STAB2: variants seen among roughly 807,000 people sequenced by gnomAD.
STAB2 encodes stabilin-2.
In STAB2, 288 loss-of-function variants were observed where a neutral mutation model predicts 338.1. That is an observed-to-expected ratio of 0.85 (90% CI 0.77 to 0.94). The LOEUF is 0.94. Ranked by LOEUF, STAB2 falls within the 40% of genes least tolerant of loss-of-function variation. The pLI is 0.00. For synonymous variants in STAB2, 1,202 were observed against 1,193.3 expected (o/e 1.01, Z -0.15); for missense variants, 3,141 against 3,210.1 (o/e 0.98, Z 0.52).
Position 103,729,254 on chromosome 12 carries a change from G to T in STAB2, c.5082+259G>T, listed in dbSNP as rs572366157. Among the ~76,000 whole-genome samples the T allele has an allele frequency of 8.7e-4, 132 of 152,172 alleles. 3 individuals are homozygous for T. Among genetic ancestry groups the T allele is most frequent in the Non-Finnish European group, 8.1e-4 (55 of 68,022 alleles). On this transcript the variant is annotated intron_variant, in intron 48 of 68. Transcript: ENST00000388887. The stretch of plus-strand genomic sequence containing the variant: ...ATGAAAAATAACTAATAGGTACTAG[G>T]CTTAATACCTGGGTGATGAAATAAT...
intron 25 of STAB2, among the ~76,000 whole-genome samples, chr12:103,682,784 C>A (rs774993626): frequency 6.6e-6 from 1 of 151,978 alleles, no homozygotes; most frequent in Non-Finnish European, 1.5e-5. Flanking sequence ...CCCGTCTGTA[C>A]TAAAAATACA....
intron 51 of STAB2, among the ~76,000 whole-genome samples, chr12:103,735,203 T>TA (rs1291415747): frequency 6.6e-6 from 1 of 152,118 alleles, no homozygotes; most frequent in Admixed American, 6.5e-5. Flanking sequence ...ATTGGCTTCA[T>TA]ACGCTAAGAC....
rs554176402 is a variant in STAB2 at position 103,747,949 on chromosome 12, C to CAGG, written c.6245-1013_6245-1011dup. ...GGCAGAGGTTGCAGTGAGCTGAGAT[C>CAGG]AGGCCACTCTACTCTAGCCTGGGCA... is the stretch of plus-strand genomic sequence containing the variant. On this transcript the variant is annotated intron_variant, in intron 58 of 68. Transcript: ENST00000388887. Among the ~76,000 whole-genome samples, 301 of 142,260 alleles carry CAGG rather than the reference C, an allele frequency of 2.1e-3. 1 individual carries two copies. Among genetic ancestry groups the CAGG allele is most frequent in the African/African-American group, 7.8e-3 (288 of 36,892 alleles). The allele number at this position is 142,260 out of a possible 152,430, so 93.3% of individuals were successfully genotyped here. A position where few individuals can be genotyped will look rare whatever the true frequency, so the allele number is the denominator to read the frequency against.
In STAB2 at chr12:103,692,662, G is replaced by A. The variant is rs968036001; in HGVS notation, c.3298-150G>A. The A allele has an allele frequency of 4.2e-5, 25 of 589,190 alleles. No homozygotes were observed. In the African/African-American group the frequency reaches 4.5e-4, roughly 11 times the overall value. The allele number at this position is 589,190 out of a possible 1,614,324, so 36.5% of individuals were successfully genotyped here. Reference sequence around the variant, plus strand: ...GAGAGAGAGAGAGAGGGGTCTATGGGACAACAAGTTAAAGGTATTTCTTAC... The same window carrying A: ...GAGAGAGAGAGAGAGGGGTCTATGGAACAACAAGTTAAAGGTATTTCTTAC... On this transcript the variant is annotated intron_variant, in intron 30 of 68. Coordinates refer to ENST00000388887, the MANE Select transcript of STAB2 (RefSeq NM_017564.10).
intron 44 of STAB2, among the ~76,000 whole-genome samples, chr12:103,722,242 A>G (rs1880826191): frequency 1.3e-5 from 2 of 152,236 alleles, no homozygotes; most frequent in African/African-American, 2.4e-5. Flanking sequence ...GAGAAGCCTC[A>G]GTAAAAAAGC....
chr12:103,603,365 G>T (rs11111671), intron 3 of STAB2, among the ~76,000 whole-genome samples: 1 of 152,072 alleles, frequency 6.6e-6, no homozygotes, highest in Admixed American at 6.5e-5. Context: ...CCACCGCACC[G>T]GCCTATTCCA....
Position 103,666,362 on chromosome 12 carries a change from GA to G in STAB2, c.2085+10del, listed in dbSNP as rs755497320. 2 of 1,614,168 alleles carry G rather than the reference GA, an allele frequency of 1.2e-6. No individual in the cohort carries two copies. Among genetic ancestry groups the G allele is most frequent in the East Asian group, 4.5e-5 (2 of 44,888 alleles). ...CTAACTCTGAGCCCACAGTGAGTGT[GA>G]CAGCTTCATGAAAGCACAGATCACC... On this transcript the variant is annotated intron_variant, in intron 19 of 68. Transcript: ENST00000388887.
intron 26 of STAB2, among the ~76,000 whole-genome samples, chr12:103,683,708 G>A (rs895787991): frequency 2.0e-5 from 3 of 152,124 alleles, no homozygotes; most frequent in South Asian, 2.1e-4. Flanking sequence ...AGAGGTAACC[G>A]GACTTCCATT....
At chr12:103,686,813 A>T (rs1877477044) in intron 27 of STAB2, among the ~76,000 whole-genome samples, 1 of 152,172 alleles carries the variant, frequency 6.6e-6, no homozygotes, top group Non-Finnish European at 1.5e-5. Context: ...TCTTCTAAAC[A>T]GCTTTCCGCT....
At chr12:103,632,727 T>C (rs1257573968) in intron 6 of STAB2, among the ~76,000 whole-genome samples, 1 of 152,068 alleles carries the variant, frequency 6.6e-6, no homozygotes, top group Non-Finnish European at 1.5e-5. Flanking sequence ...AGCAGCACAC[T>C]GCACCCTGGA....
chr12:103,640,790 A>T (rs1380257112), intron 9 of STAB2, among the ~76,000 whole-genome samples: 3 of 152,160 alleles, frequency 2.0e-5, no homozygotes, highest in African/African-American at 7.2e-5. Flanking sequence ...ATTTGGACTA[A>T]AGATCTAGGT....
At chr12:103,647,527 T>G (rs1397162938) in intron 9 of STAB2, among the ~76,000 whole-genome samples, 2 of 152,248 alleles carry the variant, frequency 1.3e-5, no homozygotes, top group African/African-American at 4.8e-5. Context: ...GAAAGTCATC[T>G]TCCTCATCAC....
Position 103,637,116 on chromosome 12 carries a change from C to T in STAB2, c.589C>T (p.Pro197Ser). Reference protein sequence around the residue: ...YTGPKCDKPIPECAALLCPEN... With the variant: ...YTGPKCDKPISECAALLCPEN... ...TCAACAATTTTCCTATGCAGCCATC[C>T]CTGAATGTGCAGCCTTGCTCTGCCC... The change falls in exon 7 of 69, where the codon CCT becomes TCT. Residue 197 changes from proline to serine, a missense_variant. Physicochemically the swap from Pro to Ser is moderately conservative, Grantham distance 74 (BLOSUM62 -1). Coordinates refer to ENST00000388887, the MANE Select transcript of STAB2 (RefSeq NM_017564.10). The T allele has an allele frequency of 6.2e-7, 1 of 1,602,208 alleles. No homozygotes were observed. The highest frequency in any genetic ancestry group is 8.5e-7 in the Non-Finnish European group (1 of 1,175,934).
intron 41 of STAB2, among the ~76,000 whole-genome samples, chr12:103,712,950 GA>G (rs917282403): frequency 4.6e-5 from 7 of 152,302 alleles, no homozygotes; most frequent in African/African-American, 1.4e-4. Flanking sequence ...CTCCCTTGCA[GA>G]GTGGTTTTGA....
intron 1 of STAB2, among the ~76,000 whole-genome samples, chr12:103,588,000 C>A (rs1956738845): frequency 6.6e-6 from 1 of 152,188 alleles, no homozygotes; most frequent in Non-Finnish European, 1.5e-5. Flanking sequence ...CAGGCCTTCA[C>A]CCTTTCATCT....
At chr12:103,655,701 C>T in intron 15 of STAB2, 120 bp downstream of exon 15, 1 of 1,212,092 alleles carries the variant, frequency 8.3e-7, no homozygotes, top group Non-Finnish European at 1.1e-6. Context: ...ACCACCTACC[C>T]TCCAACAACC....
At chr12:103,731,875 TG>T (rs1881661731) in intron 50 of STAB2, among the ~76,000 whole-genome samples, 1 of 152,138 alleles carries the variant, frequency 6.6e-6, no homozygotes, top group South Asian at 2.1e-4. Context: ...GATTTGAGGC[TG>T]GGGAGAGGGA....
chr12:103,667,443 A>G (rs997198419), intron 19 of STAB2, among the ~76,000 whole-genome samples: 2 of 152,196 alleles, frequency 1.3e-5, no homozygotes, highest in African/African-American at 4.8e-5. Flanking sequence ...AACGTAAACC[A>G]CCTTGTACAA....
intron 15 of STAB2, 99 bp from the exon 16 acceptor site, chr12:103,660,232 A>G: frequency 1.6e-6 from 2 of 1,283,432 alleles, no homozygotes; most frequent in Non-Finnish European, 2.3e-6. Flanking sequence ...ATTATGGGTC[A>G]TTTTTCTTGA....
Sources: allele counts gnomAD v4.1 joint callset (sites outside exome capture counted in the v4.1 genomes callset), GRCh38; gene constraint gnomAD v4.1.1; transcripts MANE v1.5; gene names NCBI Gene and HGNC (gene_info 2026-07-23, HGNC 2026-07-21).